The following PIEZO2 variants were observed in gnomAD, a reference collection of about 807,000 sequenced individuals.
The protein encoded by PIEZO2 is piezo type mechanosensitive ion channel component 2.
PIEZO2 carries 172 observed loss-of-function variants against 337.3 expected under a neutral mutation model. That is an observed-to-expected ratio of 0.51 (90% CI 0.45 to 0.58). The LOEUF (loss-of-function observed/expected upper bound fraction) is 0.58, where lower values mean the gene tolerates loss of function less well. Ranked by LOEUF, PIEZO2 falls within the 20% of genes least tolerant of loss-of-function variation. The probability of loss-of-function intolerance (pLI) is 0.00; values close to 1 mark genes in which losing one functional copy is unlikely to be tolerated. For synonymous variants in PIEZO2, 1,251 were observed against 1,228.5 expected (o/e 1.02, Z -0.38); for missense variants, 3,028 against 3,391.3 (o/e 0.89, Z 2.66).
At position 10,982,377 on chromosome 18, in the gene PIEZO2, A is replaced by C. The variant is rs990726888; in HGVS notation, c.161-2717T>G. Among the ~76,000 whole-genome samples, 1 of 152,168 alleles carries C rather than the reference A, an allele frequency of 6.6e-6. No homozygotes were observed. The highest frequency in any genetic ancestry group is 6.5e-5 in the Admixed American group (1 of 15,276). On this transcript the variant is annotated intron_variant, in intron 2 of 55. Transcript: ENST00000674853. The surrounding 1 kb of genome is among the most constrained non-coding windows in gnomAD (Gnocchi z 4.1). ...CGTTCTTGACAAAATTGTAAAAAAA[A>C]AATAGAAAAACAAATAATAGGTATA...
intron 4 of PIEZO2, among the ~76,000 whole-genome samples, chr18:10,876,046 C>A (rs2042260021): frequency 6.6e-6 from 1 of 152,190 alleles, no homozygotes; most frequent in South Asian, 2.1e-4. Flanking sequence ...ATTGCAGAAA[C>A]AATGATACTT....
At chr18:10,778,496 C>A (rs1010480213) in intron 18 of PIEZO2, among the ~76,000 whole-genome samples, 1 of 152,096 alleles carries the variant, frequency 6.6e-6, no homozygotes, top group Non-Finnish European at 1.5e-5. Context: ...CCACACCCAG[C>A]TAATTTTTTG....
At chr18:10,715,930 T>A in intron 37 of PIEZO2, 114 bp from the exon 38 acceptor site, 2 of 807,882 alleles carry the variant, frequency 2.5e-6, no homozygotes, top group Non-Finnish European at 3.8e-6. Context: ...CCCGTGCATC[T>A]AATAAGGCAT....
At chr18:11,015,546 C>T (rs1265111211) in intron 2 of PIEZO2, among the ~76,000 whole-genome samples, 3 of 152,034 alleles carry the variant, frequency 2.0e-5, no homozygotes, top group Non-Finnish European at 2.9e-5. Flanking sequence ...AATATTTAAC[C>T]TGAAAATTTT....
chr18:10,732,969 G>A (rs1453673845), intron 35 of PIEZO2, among the ~76,000 whole-genome samples: 1 of 151,748 alleles, frequency 6.6e-6, no homozygotes, highest in Non-Finnish European at 1.5e-5. Context: ...GATGATGCAC[G>A]AATCCCGAAA....
At position 10,726,526 on chromosome 18, in the gene PIEZO2, G is replaced by A. The variant is rs540061106; in HGVS notation, c.5029+4881C>T. The A allele has an allele frequency of 1.4e-6, 2 of 1,470,056 alleles. No homozygotes were observed. The highest frequency in any genetic ancestry group is 1.8e-6 in the Non-Finnish European group (2 of 1,110,284). 91.1% of individuals were successfully genotyped at this position (1,470,056 alleles called of 1,614,324 possible). A position where few individuals can be genotyped will look rare whatever the true frequency, so the allele number is the denominator to read the frequency against. On this transcript the variant is annotated intron_variant, in intron 36 of 55. Transcript: ENST00000674853. The surrounding 1 kb of genome is among the most constrained non-coding windows in gnomAD (Gnocchi z 5.9). ...AGCAGCCGTTCCTGTGGCGCGCTGC[G>A]CTGCTCTGCTCTGCTACACCAGCCG...
At chr18:10,907,511 C>T (rs1046487676) in intron 4 of PIEZO2, among the ~76,000 whole-genome samples, 1 of 152,014 alleles carries the variant, frequency 6.6e-6, no homozygotes, top group Non-Finnish European at 1.5e-5. Flanking sequence ...AGAATGCAGC[C>T]TACCAATGAC....
Position 10,871,395 on chromosome 18 carries a change from C to A in PIEZO2, c.350G>T (p.Gly117Val). Residue 117 changes from glycine (G) to valine (V), a missense_variant, in exon 5 of 56, where the codon GGC (glycine) becomes GTC (valine). Coordinates refer to ENST00000674853, the MANE Select transcript of PIEZO2 (RefSeq NM_001378183.1). ...GFESLKGADAGNGIRVFVPDI... is the reference protein window; with the variant it reads ...GFESLKGADAVNGIRVFVPDI... Reference sequence around the variant, plus strand: ...AGGTACAAACACTCTGATCCCATTGCCAGCATCAGCTCCCTTTAAGCTATA... The same window carrying A: ...AGGTACAAACACTCTGATCCCATTGACAGCATCAGCTCCCTTTAAGCTATA... 1 of 1,536,802 alleles carries A rather than the reference C, an allele frequency of 6.5e-7. No homozygotes were observed. The highest frequency in any genetic ancestry group is 8.7e-7 in the Non-Finnish European group (1 of 1,146,662).
Position 10,682,987 on chromosome 18 carries a change from AT to A in PIEZO2, c.7498-696del, listed in dbSNP as rs1270665378. On this transcript the variant is annotated intron_variant, in intron 49 of 55. Coordinates refer to ENST00000674853, the MANE Select transcript of PIEZO2 (RefSeq NM_001378183.1). The surrounding 1 kb of genome is among the most constrained non-coding windows in gnomAD (Gnocchi z 5.6). ...CCACTAAGCCCCCTGCTTAAAGACTATGGACAAGTGGAAATTGGAGCTGTGC... is the reference window on the plus strand; with the variant it reads ...CCACTAAGCCCCCTGCTTAAAGACTAGGACAAGTGGAAATTGGAGCTGTGC... Among the ~76,000 whole-genome samples, 2 of 152,178 alleles carry A rather than the reference AT, an allele frequency of 1.3e-5. No individual in the cohort carries two copies. Among genetic ancestry groups the A allele is most frequent in the Admixed American group, 6.5e-5 (1 of 15,284 alleles).
chr18:11,075,248 C>T (rs1337737540), intron 1 of PIEZO2, among the ~76,000 whole-genome samples: 2 of 151,958 alleles, frequency 1.3e-5, no homozygotes, highest in African/African-American at 2.4e-5. Flanking sequence ...TTTAAAAGGA[C>T]ATTCTTTCAA....
intron 5 of PIEZO2, among the ~76,000 whole-genome samples, chr18:10,869,885 A>G (rs76439636): frequency 0.097 from 14,783 of 152,106 alleles, 762 homozygotes; most frequent in South Asian, 0.14. Context: ...GACAATGTAT[A>G]TATTTTTTAA....
chr18:10,906,016 G>C (rs2043166951), intron 4 of PIEZO2, among the ~76,000 whole-genome samples: 1 of 152,148 alleles, frequency 6.6e-6, no homozygotes, highest in Non-Finnish European at 1.5e-5. Context: ...GAGGTGGTTG[G>C]AAATTTCTTT....
In PIEZO2 at chr18:10,727,106, C is replaced by G; in HGVS notation, c.5029+4301G>C. The G allele has an allele frequency of 2.1e-6, 1 of 475,590 alleles. No homozygotes were observed. The highest frequency in any genetic ancestry group is 3.6e-6 in the Non-Finnish European group (1 of 274,070). The allele number at this position is 475,590 out of a possible 1,614,324, so 29.5% of individuals were successfully genotyped here. A position where few individuals can be genotyped will look rare whatever the true frequency, so the allele number is the denominator to read the frequency against. Reference sequence around the variant, plus strand: ...AGTGGCAACATCAAAGGGTTTGTGTCCCTTGCTAGCCTCCCTGGGGCCTGG... The same window carrying G: ...AGTGGCAACATCAAAGGGTTTGTGTGCCTTGCTAGCCTCCCTGGGGCCTGG... On this transcript the variant is annotated intron_variant, in intron 36 of 55. Coordinates refer to ENST00000674853, the MANE Select transcript of PIEZO2 (RefSeq NM_001378183.1). The surrounding 1 kb of genome is among the most constrained non-coding windows in gnomAD (Gnocchi z 6.3).
Position 10,995,083 on chromosome 18 carries a change from A to AAAAAAAAAGAAAG in PIEZO2, c.161-15424_161-15423insCTTTCTTTTTTTT, listed in dbSNP as rs1555689868. 1.4e-3 allele frequency among the ~76,000 whole-genome samples: 85 copies of AAAAAAAAAGAAAG among 59,868 alleles called. 2 individuals carry two copies. Among genetic ancestry groups the AAAAAAAAAGAAAG allele is most frequent in the East Asian group, 8.5e-3 (26 of 3,042 alleles). The allele number at this position is 59,868 out of a possible 152,430, so 39.3% of individuals were successfully genotyped here. A position where few individuals can be genotyped will look rare whatever the true frequency, so the allele number is the denominator to read the frequency against. On this transcript the variant is annotated intron_variant, in intron 2 of 55. Transcript: ENST00000674853. ...ACAGAGTGAGACTCCGTCTCAAAAA[A>AAAAAAAAAGAAAG]AAAAAAAAAAAAAGAAAAGCGTTCC...
At chr18:10,871,884 T>C (rs1412535942) in intron 4 of PIEZO2, among the ~76,000 whole-genome samples, 2 of 152,218 alleles carry the variant, frequency 1.3e-5, no homozygotes, top group Non-Finnish European at 2.9e-5. Flanking sequence ...TTGGTTGATT[T>C]TGTCTTCTGT....
At chr18:10,905,337 C>T (rs1438127735) in intron 4 of PIEZO2, among the ~76,000 whole-genome samples, 1 of 152,098 alleles carries the variant, frequency 6.6e-6, no homozygotes, top group African/African-American at 2.4e-5. Context: ...AATCTCAGCA[C>T]TTTTGGGAGG....
Position 10,903,693 on chromosome 18 carries a change from T to C in PIEZO2, c.329+7493A>G, listed in dbSNP as rs754692301. On this transcript the variant is annotated intron_variant, in intron 4 of 55. Transcript: ENST00000674853. The surrounding 1 kb of genome is among the most constrained non-coding windows in gnomAD (Gnocchi z 4.1). ...ATCTCAAAAAAAAAAAGATTCAAAC[T>C]TCTTGGCATTGCCTATAAGATACTT... 1.3e-4 allele frequency among the ~76,000 whole-genome samples: 19 copies of C among 151,996 alleles called. No individual in the cohort carries two copies. The highest frequency in any genetic ancestry group is 2.1e-4 in the Non-Finnish European group (14 of 67,990).
intron 36 of PIEZO2, among the ~76,000 whole-genome samples, chr18:10,731,088 T>A (rs1003906393): frequency 6.6e-6 from 1 of 151,504 alleles, no homozygotes; most frequent in Non-Finnish European, 1.5e-5. Context: ...TTTCTTTTTT[T>A]TTATTACTTA....
Position 11,126,013 on chromosome 18 carries a change from C to T in PIEZO2, c.64+22512G>A, listed in dbSNP as rs2040171500. ...TTATCCAGAGTGTTGTCAAAGCATG[C>T]ATAATGACTCCATTTATTTTCCAAA... On this transcript the variant is annotated intron_variant, in intron 1 of 55. Coordinates refer to ENST00000674853, the MANE Select transcript of PIEZO2 (RefSeq NM_001378183.1). This position sits in a 1 kb window ranked among gnomAD's most constrained non-coding sequence, Gnocchi z 4.6. Among the ~76,000 whole-genome samples the T allele has an allele frequency of 6.6e-6, 1 of 152,196 alleles. No individual in the cohort carries two copies. The highest frequency in any genetic ancestry group is 1.5e-5 in the Non-Finnish European group (1 of 68,038).
Sources: allele counts gnomAD v4.1 joint callset (sites outside exome capture counted in the v4.1 genomes callset), GRCh38; gene constraint gnomAD v4.1.1; non-coding constraint Gnocchi (gnomAD v3.1); transcripts MANE v1.5; gene names NCBI Gene and HGNC (gene_info 2026-07-23, HGNC 2026-07-21).